Variants in MLLT3 observed in about 807,000 individuals in gnomAD.
MLLT3 encodes MLLT3 super elongation complex subunit.
Under a neutral mutation model 53.2 loss-of-function variants are expected in MLLT3, and 4 were observed. That is an observed-to-expected ratio of 0.08 (90% CI 0.04 to 0.17). MLLT3 has a LOEUF of 0.17. Ranked by LOEUF, MLLT3 falls within the 10% of genes least tolerant of loss-of-function variation. The pLI is 1.00. For synonymous variants in MLLT3, 283 were observed against 230.6 expected (o/e 1.23, Z -2.06); for missense variants, 569 against 684.0 (o/e 0.83, Z 1.87).
intron 5 of MLLT3, among the ~76,000 whole-genome samples, chr9:20,406,853 G>C (rs1822590659): frequency 1.3e-5 from 2 of 152,102 alleles, no homozygotes; most frequent in Non-Finnish European, 2.9e-5. Context: ...CTGCTTAATA[G>C]CAGGATCTTT....
At chr9:20,485,139 C>A (rs1297553934) in intron 2 of MLLT3, among the ~76,000 whole-genome samples, 4 of 152,008 alleles carry the variant, frequency 2.6e-5, no homozygotes, top group East Asian at 1.9e-4. Context: ...CAGGTACCCA[C>A]CACCACGCCC....
In MLLT3 at chr9:20,447,712, T is replaced by C. The variant is rs141121544; in HGVS notation, c.420+411A>G. Among the ~76,000 whole-genome samples, 93 of 152,284 alleles carry C rather than the reference T, an allele frequency of 6.1e-4. No individual in the cohort carries two copies. The East Asian group carries it at 0.014, about 23-fold the overall frequency. On this transcript the variant is annotated intron_variant, in intron 4 of 10. Transcript: ENST00000380338. ...TGAGTGAAGATACCTTTTTTAATAA[T>C]TGTGATCAAGAAAATTTGGATTTCT...
chr9:20,586,222 A>C (rs1159120592), intron 2 of MLLT3, among the ~76,000 whole-genome samples: 1 of 151,988 alleles, frequency 6.6e-6, no homozygotes, highest in African/African-American at 2.4e-5. Flanking sequence ...CTGGTAGCTG[A>C]TGTGGGAGAA....
At chr9:20,515,924 G>C (rs768513032) in intron 2 of MLLT3, among the ~76,000 whole-genome samples, 1 of 152,172 alleles carries the variant, frequency 6.6e-6, no homozygotes, top group East Asian at 1.9e-4. Context: ...TTCCACACCA[G>C]AGCAACATCT....
chr9:20,456,901 C>T, intron 2 of MLLT3, 115 bp from the exon 3 acceptor site: 1 of 687,796 alleles, frequency 1.5e-6, no homozygotes, highest in South Asian at 1.8e-5. Context: ...TTTCATAGCC[C>T]CTTGCCAAAC....
chr9:20,555,369 T>G (rs1293265289), intron 2 of MLLT3, among the ~76,000 whole-genome samples: 2 of 152,122 alleles, frequency 1.3e-5, no homozygotes, highest in Non-Finnish European at 2.9e-5. Context: ...TTGCCCAGGG[T>G]GGTCTTGAAC....
At chr9:20,497,144 G>A (rs6475448) in intron 2 of MLLT3, among the ~76,000 whole-genome samples, 108,040 of 152,128 alleles carry the variant, frequency 0.71, 39,049 homozygotes, top group African/African-American at 0.85. Context: ...GTAGTATCCA[G>A]TAGTAAATGG....
At chr9:20,572,024 G>A (rs1245739062) in intron 2 of MLLT3, among the ~76,000 whole-genome samples, 1 of 152,048 alleles carries the variant, frequency 6.6e-6, no homozygotes, top group African/African-American at 2.4e-5. Context: ...TTCACTTCTG[G>A]GTACATATCC....
intron 2 of MLLT3, among the ~76,000 whole-genome samples, chr9:20,555,574 T>C (rs1310907150): frequency 1.3e-5 from 2 of 152,214 alleles, no homozygotes; most frequent in Non-Finnish European, 2.9e-5. Flanking sequence ...ATGAAAACTC[T>C]AAAGGAAAAC....
rs1387015003 is a variant in MLLT3, at chr9:20,342,449, CTTAAT to C, written c.*3989_*3993del. 7 of 222,208 alleles carry C rather than the reference CTTAAT, an allele frequency of 3.2e-5. No homozygotes were observed. The highest frequency in any genetic ancestry group is 6.3e-5 in the Non-Finnish European group (7 of 111,334). 13.8% of individuals were successfully genotyped at this position (222,208 alleles called of 1,614,324 possible). ...TGTTAATCTCAATAATACATTTTCA[CTTAAT>C]TTATTTTTGCACTGCATGGTAGCTC... is the stretch of plus-strand genomic sequence containing the variant. On this transcript the variant is annotated 3_prime_UTR_variant, in exon 11 of 11. Transcript: ENST00000380338.
At chr9:20,418,462 A>T (rs1273431277) in intron 4 of MLLT3, 1 of 152,218 alleles carries the variant, frequency 6.6e-6, no homozygotes, top group Non-Finnish European at 1.5e-5. Flanking sequence ...TTCCCACTTC[A>T]ATCCCAAATC....
At chr9:20,598,404 G>A (rs1587117122) in intron 2 of MLLT3, among the ~76,000 whole-genome samples, 1 of 152,188 alleles carries the variant, frequency 6.6e-6, no homozygotes, top group East Asian at 1.9e-4. Flanking sequence ...GGGCAGAGAA[G>A]CCATATGTCT....
Position 20,344,027 on chromosome 9 carries a change from TGAG to T in MLLT3, c.*2413_*2415del, listed in dbSNP as rs1223949360. 1 of 202,188 alleles carries T rather than the reference TGAG, an allele frequency of 4.9e-6. No individual in the cohort carries two copies. The highest frequency in any genetic ancestry group is 7.7e-5 in the East Asian group (1 of 12,972). 12.5% of individuals were successfully genotyped at this position (202,188 alleles called of 1,614,324 possible). ...TGAAAAACTTACTTTGCTATCTTGA[TGAG>T]TAGAAGATGGATAAGTTTTTCTGAA... is the stretch of plus-strand genomic sequence containing the variant. On this transcript the variant is annotated 3_prime_UTR_variant, in exon 11 of 11. Transcript: ENST00000380338.
chr9:20,476,053 G>C (rs967522539), intron 2 of MLLT3, among the ~76,000 whole-genome samples: 1 of 151,736 alleles, frequency 6.6e-6, no homozygotes, highest in African/African-American at 2.4e-5. Flanking sequence ...ACATTAATGC[G>C]CTGTTTTTTT....
At chr9:20,409,576 G>C (rs1248725150) in intron 5 of MLLT3, among the ~76,000 whole-genome samples, 1 of 152,130 alleles carries the variant, frequency 6.6e-6, no homozygotes, top group East Asian at 1.9e-4. Flanking sequence ...CCAAAGAGAT[G>C]AACTCCTAAA....
chr9:20,413,381 T>C (rs1035394963), intron 5 of MLLT3, among the ~76,000 whole-genome samples: 3 of 152,222 alleles, frequency 2.0e-5, no homozygotes, highest in African/African-American at 7.2e-5. Context: ...TTTTATTATA[T>C]TCTTCTCACT....
At chr9:20,485,127 T>C (rs1027392616) in intron 2 of MLLT3, among the ~76,000 whole-genome samples, 3 of 152,150 alleles carry the variant, frequency 2.0e-5, no homozygotes, top group African/African-American at 7.2e-5. Context: ...TAGCTGGGAT[T>C]ACAGGTACCC....
At chr9:20,482,858 T>C (rs1415033995) in intron 2 of MLLT3, among the ~76,000 whole-genome samples, 1 of 152,214 alleles carries the variant, frequency 6.6e-6, no homozygotes. Context: ...CTTATACCTG[T>C]TGTTTCTTAC....
intron 4 of MLLT3, among the ~76,000 whole-genome samples, chr9:20,434,372 A>G (rs1215956851): frequency 1.3e-5 from 2 of 152,214 alleles, no homozygotes; most frequent in African/African-American, 4.8e-5. Context: ...CTTGTATTAC[A>G]AGTGTAAATG....
Sources: allele counts gnomAD v4.1 joint callset (sites outside exome capture counted in the v4.1 genomes callset), GRCh38; gene constraint gnomAD v4.1.1; transcripts MANE v1.5; gene names NCBI Gene and HGNC (gene_info 2026-07-23, HGNC 2026-07-21).